Variants in EPHA5 observed in about 807,000 individuals in gnomAD.
EPHA5 encodes the protein ephrin type-A receptor 5.
A neutral mutation model predicts 105.0 loss-of-function variants in EPHA5; 60 were observed. The observed-to-expected ratio is 0.57, with a 90% CI of 0.46 to 0.71. The LOEUF (loss-of-function observed/expected upper bound fraction) is 0.71, where lower values mean the gene tolerates loss of function less well. Ranked by LOEUF, EPHA5 falls within the 30% of genes least tolerant of loss-of-function variation. The probability of loss-of-function intolerance (pLI) is 0.00; values close to 1 mark genes in which losing one functional copy is unlikely to be tolerated. For synonymous variants in EPHA5, 513 were observed against 449.1 expected (o/e 1.14, Z -1.80); for missense variants, 1,218 against 1,274.7 (o/e 0.96, Z 0.68).
intron 3 of EPHA5, among the ~76,000 whole-genome samples, chr4:65,549,819 T>C (rs1737726447): frequency 1.3e-5 from 2 of 152,084 alleles, no homozygotes; most frequent in Admixed American, 1.3e-4. Context: ...ATGTTCAAAC[T>C]TTGATATGCA....
intron 3 of EPHA5, among the ~76,000 whole-genome samples, chr4:65,562,782 A>G (rs1034232990): frequency 6.6e-6 from 1 of 152,024 alleles, no homozygotes; most frequent in Non-Finnish European, 1.5e-5. Flanking sequence ...AAGACACTGA[A>G]GATGCTGATT....
intron 3 of EPHA5, among the ~76,000 whole-genome samples, chr4:65,526,097 C>A (rs1302213206): frequency 1.3e-5 from 2 of 151,800 alleles, no homozygotes; most frequent in Non-Finnish European, 2.9e-5. Context: ...TACTGTTTTG[C>A]ATATATCAAA....
chr4:65,570,327 T>C (rs1739992031), intron 3 of EPHA5, among the ~76,000 whole-genome samples: 1 of 151,912 alleles, frequency 6.6e-6, no homozygotes, highest in Non-Finnish European at 1.5e-5. Flanking sequence ...ATTAATGAAT[T>C]CAAGGCACTA....
intron 5 of EPHA5, among the ~76,000 whole-genome samples, chr4:65,488,224 AGC>A (rs1731067058): frequency 1.3e-5 from 2 of 152,210 alleles, no homozygotes; most frequent in African/African-American, 4.8e-5. Flanking sequence ...AGACAACTAT[AGC>A]AAATATTTGT....
At chr4:65,636,416 T>C (rs1182913001) in intron 2 of EPHA5, among the ~76,000 whole-genome samples, 2 of 152,120 alleles carry the variant, frequency 1.3e-5, no homozygotes, top group Non-Finnish European at 2.9e-5. Flanking sequence ...AGCTCATGTC[T>C]GGTTTTAAAT....
intron 3 of EPHA5, among the ~76,000 whole-genome samples, chr4:65,566,856 G>A (rs1184861484): frequency 6.6e-6 from 1 of 151,598 alleles, no homozygotes; most frequent in Non-Finnish European, 1.5e-5. Context: ...ATTGACATTT[G>A]TTACATTTCT....
At chr4:65,363,201 A>G (rs1717506826) in intron 11 of EPHA5, among the ~76,000 whole-genome samples, 1 of 151,520 alleles carries the variant, frequency 6.6e-6, no homozygotes, top group Admixed American at 6.6e-5. Flanking sequence ...GAAGAAAGAT[A>G]AGTGGAGAAG....
intron 5 of EPHA5, among the ~76,000 whole-genome samples, chr4:65,441,311 A>C (rs1725987175): frequency 6.6e-6 from 1 of 152,080 alleles, no homozygotes; most frequent in African/African-American, 2.4e-5. Context: ...CAACTGGCAA[A>C]ATTAAAAATA....
At chr4:65,324,762 C>A (rs796742557) in intron 16 of EPHA5, among the ~76,000 whole-genome samples, 90 of 74,750 alleles carry the variant, frequency 1.2e-3, no homozygotes, top group African/African-American at 3.1e-3. Context: ...TTTTTTTTTA[C>A]TTTATACTGA....
intron 5 of EPHA5, among the ~76,000 whole-genome samples, chr4:65,435,209 T>A (rs1725365220): frequency 6.6e-6 from 1 of 152,160 alleles, no homozygotes; most frequent in African/African-American, 2.4e-5. Context: ...TTCACCTCAC[T>A]GTCACTGAGA....
At chr4:65,401,047 CAT>C (rs932648977) in intron 8 of EPHA5, among the ~76,000 whole-genome samples, 2 of 149,830 alleles carry the variant, frequency 1.3e-5, no homozygotes, top group Non-Finnish European at 3.0e-5. Flanking sequence ...TGTGTGTGTG[CAT>C]GTGTGTGTGT....
At chr4:65,555,384 A>G (rs1252143363) in intron 3 of EPHA5, among the ~76,000 whole-genome samples, 1 of 152,018 alleles carries the variant, frequency 6.6e-6, no homozygotes, top group Non-Finnish European at 1.5e-5. Context: ...AATTTACCTT[A>G]CAAGAAAATG....
At chr4:65,596,375 G>A (rs1743186870) in intron 3 of EPHA5, among the ~76,000 whole-genome samples, 2 of 151,980 alleles carry the variant, frequency 1.3e-5, no homozygotes, top group Admixed American at 1.3e-4. Context: ...ACAGTCTACA[G>A]TGAACAAGAC....
rs974259172 is a variant in EPHA5, at chr4:65,487,385, C to G, written c.1402+2992G>C. Among the ~76,000 whole-genome samples the G allele has an allele frequency of 2.0e-5, 3 of 152,154 alleles. No individual in the cohort carries two copies. The South Asian group carries it at 6.2e-4, about 31-fold the overall frequency. ...ACTCCTATCTGAAACAAATCCCCTC[C>G]TTGCTTAGGGACCAGACAACATTTG... On this transcript the variant is annotated intron_variant, in intron 5 of 16. Coordinates refer to ENST00000613740, the MANE Select transcript of EPHA5 (RefSeq NM_001281766.3).
At chr4:65,384,709 C>A (rs938963060) in intron 8 of EPHA5, among the ~76,000 whole-genome samples, 1 of 151,906 alleles carries the variant, frequency 6.6e-6, no homozygotes, top group Non-Finnish European at 1.5e-5. Flanking sequence ...GTGATTTCAG[C>A]TTATTTCCAC....
At chr4:65,348,813 A>ATTTTTTTT (rs1411450820) in intron 13 of EPHA5, among the ~76,000 whole-genome samples, 2 of 41,330 alleles carry the variant, frequency 4.8e-5, no homozygotes, top group African/African-American at 8.1e-5. Context: ...ATATATATAT[A>ATTTTTTTT]TATTTTTTTT....
chr4:65,482,748 G>T (rs939228533), intron 5 of EPHA5, among the ~76,000 whole-genome samples: 2 of 151,842 alleles, frequency 1.3e-5, no homozygotes, highest in Non-Finnish European at 1.5e-5. Flanking sequence ...GAGAAACATG[G>T]TTACTCTTGA....
chr4:65,399,230 C>T (rs563111679), intron 8 of EPHA5, among the ~76,000 whole-genome samples: 2 of 152,324 alleles, frequency 1.3e-5, no homozygotes, highest in South Asian at 4.1e-4. Context: ...TCAGCTGCAG[C>T]TGGCACTAAT....
chr4:65,323,077 A>C lies in EPHA5; in HGVS notation c.*1037T>G, dbSNP rs1292383037. On this transcript the variant is annotated 3_prime_UTR_variant, in exon 17 of 17. Coordinates refer to ENST00000613740, the MANE Select transcript of EPHA5 (RefSeq NM_001281766.3). The stretch of plus-strand genomic sequence containing the variant: ...GACAAGATACTTTTCAGGACTCAGA[A>C]AGGTGAAATTTCTTACAGGGGTACA... 1 of 228,808 alleles carries C rather than the reference A, an allele frequency of 4.4e-6. No homozygotes were observed. Among genetic ancestry groups the C allele is most frequent in the African/African-American group, 2.2e-5 (1 of 45,070 alleles). 14.2% of individuals were successfully genotyped at this position (228,808 alleles called of 1,614,324 possible). A position where few individuals can be genotyped will look rare whatever the true frequency, so the allele number is the denominator to read the frequency against.
Sources: allele counts gnomAD v4.1 joint callset (sites outside exome capture counted in the v4.1 genomes callset), GRCh38; gene constraint gnomAD v4.1.1; transcripts MANE v1.5; gene names NCBI Gene and HGNC (gene_info 2026-07-23, HGNC 2026-07-21).